The following RABGAP1 variants were observed in gnomAD, a reference collection of about 807,000 sequenced individuals.
RABGAP1 encodes RAB GTPase activating protein 1, also known as rab GTPase-activating protein 1.
Under a neutral mutation model 137.6 loss-of-function variants are expected in RABGAP1, and 23 were observed. The observed-to-expected ratio is 0.17, with a 90% confidence interval of 0.12 to 0.24. The LOEUF is 0.24. Ranked by LOEUF, RABGAP1 falls within the 10% of genes least tolerant of loss-of-function variation. RABGAP1 has a pLI of 1.00. For synonymous variants in RABGAP1, 451 were observed against 450.7 expected (o/e 1.00, Z -0.01); for missense variants, 906 against 1,275.8 (o/e 0.71, Z 4.42).
chr9:122,982,403 C>T (rs573435771), intron 2 of RABGAP1, among the ~76,000 whole-genome samples: 3 of 152,288 alleles, frequency 2.0e-5, no homozygotes, highest in Admixed American at 1.3e-4. Flanking sequence ...TATATTTCAA[C>T]GTAGGCAGCC....
intron 12 of RABGAP1, 134 bp from the exon 13 acceptor site, chr9:123,020,175 C>CT (rs914744781): frequency 6.7e-5 from 51 of 762,378 alleles, no homozygotes; most frequent in Non-Finnish European, 7.2e-5. Flanking sequence ...TTCAGAAGCA[C>CT]TTTTTTTTCC....
chr9:123,077,266 C>T (rs2034545643), intron 19 of RABGAP1, among the ~76,000 whole-genome samples: 1 of 151,764 alleles, frequency 6.6e-6, no homozygotes, highest in South Asian at 2.1e-4. Flanking sequence ...CCTCTCACCT[C>T]AGCCTCCTGA....
At chr9:123,050,878 G>A (rs1183961540) in intron 13 of RABGAP1, among the ~76,000 whole-genome samples, 1 of 152,136 alleles carries the variant, frequency 6.6e-6, no homozygotes, top group Non-Finnish European at 1.5e-5. Context: ...TTTTGATGGG[G>A]ACACTGAGTA....
intron 13 of RABGAP1, chr9:123,035,376 C>A (rs373539769): frequency 6.2e-7 from 1 of 1,614,138 alleles, no homozygotes; most frequent in Non-Finnish European, 8.5e-7. Context: ...CATATATCAT[C>A]TACTTCTTGT....
chr9:123,072,347 C>CA (rs1245983461), intron 15 of RABGAP1, among the ~76,000 whole-genome samples: 1 of 152,154 alleles, frequency 6.6e-6, no homozygotes, highest in Non-Finnish European at 1.5e-5. Context: ...AAAGCTATGA[C>CA]ATGAATAAAG....
chr9:123,021,865 T>A (rs937271501), intron 13 of RABGAP1, among the ~76,000 whole-genome samples: 3 of 152,202 alleles, frequency 2.0e-5, no homozygotes, highest in African/African-American at 7.2e-5. Context: ...TGTCTTATGA[T>A]AGAATGTGTC....
chr9:123,074,143 A>T, intron 16 of RABGAP1, 142 bp from the exon 17 acceptor site: 1 of 934,438 alleles, frequency 1.1e-6, no homozygotes, highest in Non-Finnish European at 1.6e-6. Flanking sequence ...ACCAGATGAT[A>T]AGTGTTCTAA....
At chr9:123,058,775 T>C (rs2033850844) in intron 13 of RABGAP1, among the ~76,000 whole-genome samples, 1 of 152,196 alleles carries the variant, frequency 6.6e-6, no homozygotes, top group Non-Finnish European at 1.5e-5. Flanking sequence ...TTCAAAGAAA[T>C]ATAAACACAA....
rs1422226761 is a variant in RABGAP1 at position 123,103,630 on chromosome 9, T to G, written c.*417T>G. 1 of 85,524 alleles carries G rather than the reference T, an allele frequency of 1.2e-5. No homozygotes were observed. The highest frequency in any genetic ancestry group is 5.2e-5 in the African/African-American group (1 of 19,108). The allele number at this position is 85,524 out of a possible 1,614,324, so 5.3% of individuals were successfully genotyped here. A position where few individuals can be genotyped will look rare whatever the true frequency, so the allele number is the denominator to read the frequency against. On this transcript the variant is annotated 3_prime_UTR_variant, in exon 26 of 26. Coordinates refer to ENST00000373647, the MANE Select transcript of RABGAP1 (RefSeq NM_012197.4). ...ATATATATATATATATATATATATA[T>G]ATATATAGTGGGGGTGGGGCAAGGG...
intron 10 of RABGAP1, among the ~76,000 whole-genome samples, chr9:123,010,151 C>A (rs892093594): frequency 6.6e-6 from 1 of 152,040 alleles, no homozygotes; most frequent in Non-Finnish European, 1.5e-5. Context: ...ATTTTAAGAT[C>A]TAAACATATG....
chr9:123,049,289 T>TG (rs2033355500), intron 13 of RABGAP1, among the ~76,000 whole-genome samples: 1 of 152,064 alleles, frequency 6.6e-6, no homozygotes, highest in African/African-American at 2.4e-5. Context: ...ATATGGTGTT[T>TG]TTTGTTGTTG....
chr9:123,101,483 G>A, intron 24 of RABGAP1, 83 bp from the exon 25 acceptor site: 3 of 1,298,244 alleles, frequency 2.3e-6, no homozygotes, highest in Non-Finnish European at 3.1e-6. Flanking sequence ...CCGTCTCTTG[G>A]TGTCCCCCAA....
At position 122,996,094 on chromosome 9, in the gene RABGAP1, A is replaced by G. The variant is rs1321895410; in HGVS notation, c.977A>G (p.Asp326Gly). Residue 326 changes from aspartate (D) to glycine (G), a missense_variant, in exon 7 of 26, where the codon GAT becomes GGT. Physicochemically the swap from Asp to Gly is moderately conservative, Grantham distance 94. Transcript: ENST00000373647. ...RQCFKLRQGI[D>G]KKIVIYVQQT... is the part of the protein sequence containing the mutation. ...TGCTTTAAACTACGCCAAGGAATTG[A>G]TAAGAAGATTGTCATCTATGTGCAG... 1 of 1,613,788 alleles carries G rather than the reference A, an allele frequency of 6.2e-7. No homozygotes were observed. The highest frequency in any genetic ancestry group is 8.5e-7 in the Non-Finnish European group (1 of 1,179,922).
intron 13 of RABGAP1, among the ~76,000 whole-genome samples, chr9:123,059,336 C>T (rs186168420): frequency 6.6e-6 from 1 of 152,130 alleles, no homozygotes; most frequent in East Asian, 1.9e-4. Context: ...GGGCGGATCA[C>T]GAGGTCAGGA....
intron 21 of RABGAP1, among the ~76,000 whole-genome samples, chr9:123,092,524 A>C (rs2035060873): frequency 6.6e-6 from 1 of 151,930 alleles, no homozygotes; most frequent in South Asian, 2.1e-4. Context: ...ACCCAGGAAG[A>C]AGCAGAGCCA....
At position 123,010,211 on chromosome 9, in the gene RABGAP1, C is replaced by A. The variant is rs1025700204; in HGVS notation, c.1375-143C>A. On this transcript the variant is annotated intron_variant, in intron 10 of 25. Coordinates refer to ENST00000373647, the MANE Select transcript of RABGAP1 (RefSeq NM_012197.4). The stretch of plus-strand genomic sequence containing the variant: ...CTAATGTAGATACTCAAAAAAACAT[C>A]ATTTATTTTCACATCCTGTATGAAA... 7.2e-6 allele frequency: 5 copies of A among 690,996 alleles called. No homozygotes were observed. In the South Asian group the frequency reaches 1.1e-4, roughly 16 times the overall value. The allele number at this position is 690,996 out of a possible 1,614,324, so 42.8% of individuals were successfully genotyped here. A position where few individuals can be genotyped will look rare whatever the true frequency, so the allele number is the denominator to read the frequency against.
At chr9:122,981,922 G>A (rs954217212) in intron 2 of RABGAP1, among the ~76,000 whole-genome samples, 2 of 152,150 alleles carry the variant, frequency 1.3e-5, no homozygotes, top group South Asian at 2.1e-4. Context: ...GTTGGCACGC[G>A]CCTGTGATCC....
At chr9:122,996,287 C>G (rs1837019403) in intron 7 of RABGAP1, 136 bp downstream of exon 7, 4 of 1,380,224 alleles carry the variant, frequency 2.9e-6, no homozygotes, top group Non-Finnish European at 3.8e-6. Flanking sequence ...TTACTGAAGT[C>G]AGTGCTTCAT....
intron 15 of RABGAP1, chr9:123,071,452 CA>C (rs2034353571): frequency 6.6e-6 from 1 of 152,152 alleles, no homozygotes; most frequent in African/African-American, 2.4e-5. Flanking sequence ...GTGATGTCAG[CA>C]AAGAGTTTTG....
Sources: allele counts gnomAD v4.1 joint callset (sites outside exome capture counted in the v4.1 genomes callset), GRCh38; gene constraint gnomAD v4.1.1; transcripts MANE v1.5; gene names NCBI Gene and HGNC (gene_info 2026-07-23, HGNC 2026-07-21).